Variants in TPST2 observed in about 807,000 individuals in gnomAD.
TPST2 encodes protein-tyrosine sulfotransferase 2.
A neutral mutation model predicts 27.8 loss-of-function variants in TPST2; 16 were observed. That is an observed-to-expected ratio of 0.58 (90% CI 0.39 to 0.88). The LOEUF is 0.88. TPST2 is among the 40% of genes least tolerant of loss of function. TPST2 has a pLI of 0.00. For missense variants in TPST2, 464 were observed against 543.1 expected (o/e 0.85, Z 1.45); for synonymous variants, 229 against 231.7 (o/e 0.99, Z 0.10).
At chr22:26,550,040 A>T (rs923249424) in intron 1 of TPST2, among the ~76,000 whole-genome samples, 1 of 58,730 alleles carries the variant, frequency 1.7e-5, no homozygotes, top group Non-Finnish European at 4.4e-5. Context: ...ACTCCATCTC[A>T]AAAAAAAAAA....
intron 1 of TPST2, among the ~76,000 whole-genome samples, chr22:26,566,721 C>T (rs1265373122): frequency 1.3e-5 from 2 of 152,102 alleles, no homozygotes; most frequent in Admixed American, 6.5e-5. Context: ...CACTGCACTC[C>T]GGCCTAGATG....
At position 26,536,383 on chromosome 22, in the gene TPST2, T is replaced by C; in HGVS notation, c.946A>G (p.Ile316Val). ...CCGAGCTGAGCCAGCATGGGGGCGA[T>C]CTGGGCCATGTCCCGCACCACATCC... Reference protein sequence around the residue: ...PGDVVRDMAQIAPMLAQLGYD... With the variant: ...PGDVVRDMAQVAPMLAQLGYD... Residue 316 changes from isoleucine to valine, a missense_variant, in exon 4 of 7, where the codon ATC becomes GTC. Ile to Val is a conservative substitution (Grantham distance 29). Transcript: ENST00000338754. 1.9e-6 allele frequency: 3 copies of C among 1,607,636 alleles called. No homozygotes were observed. In the South Asian group the frequency reaches 3.3e-5, roughly 18 times the overall value.
rs1331667406 is a variant in TPST2 at position 26,569,994 on chromosome 22, AG to A, written c.-161+20058del. Among the ~76,000 whole-genome samples, 9 of 31,134 alleles carry A rather than the reference AG, an allele frequency of 2.9e-4. 1 individual carries two copies. Among genetic ancestry groups the A allele is most frequent in the Non-Finnish European group, 4.5e-4 (8 of 17,808 alleles). 20.4% of individuals were successfully genotyped at this position (31,134 alleles called of 152,430 possible). A position where few individuals can be genotyped will look rare whatever the true frequency, so the allele number is the denominator to read the frequency against. On this transcript the variant is annotated intron_variant, in intron 1 of 6. Coordinates refer to ENST00000338754, the MANE Select transcript of TPST2 (RefSeq NM_003595.5). ...GAAGAAAGAAAGAAAAGAAAGAAAA[AG>A]AAAGAAAGAAAGAAAGAAAGAAAGA...
chr22:26,530,373 A>G (rs1298766876), intron 5 of TPST2, among the ~76,000 whole-genome samples: 1 of 152,144 alleles, frequency 6.6e-6, no homozygotes, highest in Non-Finnish European at 1.5e-5. Flanking sequence ...TTGGATGGCT[A>G]CAGATATTCT....
At chr22:26,542,728 C>T (rs1449409228) in intron 2 of TPST2, among the ~76,000 whole-genome samples, 3 of 152,122 alleles carry the variant, frequency 2.0e-5, no homozygotes, top group Non-Finnish European at 4.4e-5. Context: ...ATGTTACCAG[C>T]AAAGGGAATA....
intron 1 of TPST2, among the ~76,000 whole-genome samples, chr22:26,552,835 G>C (rs1002141497): frequency 6.6e-6 from 1 of 152,036 alleles, no homozygotes; most frequent in Admixed American, 6.5e-5. Flanking sequence ...CAAGGCAGGA[G>C]GATCACCTGA....
chr22:26,556,209 C>T (rs891990658), intron 1 of TPST2, among the ~76,000 whole-genome samples: 10 of 152,120 alleles, frequency 6.6e-5, no homozygotes, highest in African/African-American at 2.4e-4. Flanking sequence ...TCACTGTCAT[C>T]TGCAAGCAGA....
intron 1 of TPST2, among the ~76,000 whole-genome samples, chr22:26,549,260 G>A (rs956226577): frequency 2.6e-5 from 4 of 152,320 alleles, no homozygotes; most frequent in Middle Eastern, 6.8e-3. Flanking sequence ...CCAAGAGATG[G>A]AGTGATTAGC....
intron 1 of TPST2, among the ~76,000 whole-genome samples, chr22:26,582,697 G>A (rs1928162569): frequency 6.6e-6 from 1 of 152,098 alleles, no homozygotes; most frequent in African/African-American, 2.4e-5. Context: ...AGTGGAAGAC[G>A]TCACTCAGTG....
intron 1 of TPST2, among the ~76,000 whole-genome samples, chr22:26,570,668 T>C (rs1927594228): frequency 6.6e-6 from 1 of 151,762 alleles, no homozygotes; most frequent in Non-Finnish European, 1.5e-5. Context: ...TGGACACAGT[T>C]GCCCACTCTC....
At chr22:26,557,610 C>G (rs1324475476) in intron 1 of TPST2, among the ~76,000 whole-genome samples, 1 of 151,872 alleles carries the variant, frequency 6.6e-6, no homozygotes, top group East Asian at 1.9e-4. Flanking sequence ...TTGGAGTTAT[C>G]CTGGGGACGG....
chr22:26,578,158 C>A (rs1000399200), intron 1 of TPST2, among the ~76,000 whole-genome samples: 8 of 152,178 alleles, frequency 5.3e-5, no homozygotes, highest in Non-Finnish European at 1.2e-4. Flanking sequence ...GCCTCCCAAT[C>A]GCTCATTTAA....
chr22:26,579,924 G>GGAGA (rs1343576301), intron 1 of TPST2, among the ~76,000 whole-genome samples: 1 of 151,536 alleles, frequency 6.6e-6, no homozygotes, highest in African/African-American at 2.4e-5. Context: ...TGGGTGGGAG[G>GGAGA]GAGAGAGAGG....
At chr22:26,553,351 G>A (rs1416541447) in intron 1 of TPST2, among the ~76,000 whole-genome samples, 1 of 151,064 alleles carries the variant, frequency 6.6e-6, no homozygotes, top group African/African-American at 2.4e-5. Context: ...TAGCAGAGAG[G>A]CTTGTGCATG....
At chr22:26,555,335 G>A (rs760186245) in intron 1 of TPST2, 2 of 504,814 alleles carry the variant, frequency 4.0e-6, no homozygotes, top group Non-Finnish European at 7.9e-6. Flanking sequence ...CCTGGGCCAG[G>A]CTCAGGAATG....
At chr22:26,546,076 CAA>C (rs756682739) in intron 1 of TPST2, among the ~76,000 whole-genome samples, 15 of 69,744 alleles carry the variant, frequency 2.2e-4, no homozygotes, top group Non-Finnish European at 2.1e-4. Context: ...GACCACGTCT[CAA>C]AAAAAAAAAA....
chr22:26,567,096 T>C (rs890677163), intron 1 of TPST2, among the ~76,000 whole-genome samples: 2 of 152,152 alleles, frequency 1.3e-5, no homozygotes, highest in Non-Finnish European at 2.9e-5. Flanking sequence ...CACTGGTCTA[T>C]TGCGGGGTAA....
chr22:26,528,537 A>T (rs1218255376), intron 5 of TPST2, among the ~76,000 whole-genome samples: 5 of 152,332 alleles, frequency 3.3e-5, no homozygotes, highest in South Asian at 4.1e-4. Flanking sequence ...ACAGGCTGCT[A>T]TGAGTGATCA....
At chr22:26,556,392 T>G (rs927594211) in intron 1 of TPST2, among the ~76,000 whole-genome samples, 1 of 152,038 alleles carries the variant, frequency 6.6e-6, no homozygotes, top group Non-Finnish European at 1.5e-5. Context: ...ACAAAAAAAT[T>G]AGCCAGGCGT....
Sources: allele counts gnomAD v4.1 joint callset (sites outside exome capture counted in the v4.1 genomes callset), GRCh38; gene constraint gnomAD v4.1.1; transcripts MANE v1.5; gene names NCBI Gene and HGNC (gene_info 2026-07-23, HGNC 2026-07-21).